The following WDR5 variants were observed in gnomAD, a reference collection of about 807,000 sequenced individuals.
The protein encoded by WDR5 is WD repeat-containing protein 5.
For missense variants in WDR5, 187 were observed against 416.9 expected (o/e 0.45, Z 4.80); for synonymous variants, 144 against 161.6 (o/e 0.89, Z 0.83).
chr9:134,147,925 C>T (rs892885912), intron 7 of WDR5, among the ~76,000 whole-genome samples: 9 of 152,012 alleles, frequency 5.9e-5, no homozygotes, highest in East Asian at 1.9e-4. Context: ...GAAGCCAAGG[C>T]GGGTGGATCA....
chr9:134,145,213 C>T (rs1564191438), intron 7 of WDR5, among the ~76,000 whole-genome samples: 1 of 150,078 alleles, frequency 6.7e-6, no homozygotes, highest in Non-Finnish European at 1.5e-5. Context: ...GTTCTCCTGC[C>T]TCAGCCTCCC....
At chr9:134,137,133 G>A (rs1314814198) in intron 1 of WDR5, among the ~76,000 whole-genome samples, 1 of 152,170 alleles carries the variant, frequency 6.6e-6, no homozygotes, top group African/African-American at 2.4e-5. Flanking sequence ...CTCAGGGACT[G>A]AGGGACTCAG....
chr9:134,148,512 T>G (rs553805038), intron 8 of WDR5, among the ~76,000 whole-genome samples, 169 bp downstream of exon 8: 4 of 152,122 alleles, frequency 2.6e-5, no homozygotes, highest in African/African-American at 9.6e-5. Flanking sequence ...GGCAGTGCAG[T>G]TTCGGGGTTG....
rs193186920 is a variant in WDR5, at chr9:134,157,936, C to T, written c.948C>T (p.Ile316=). ...STACHPTENI[I]ASAALENDKT... ...CTTGTCACCCAACAGAAAACATCAT[C>T]GCCTCTGCTGCGCTAGAAAATGACA... The change falls in exon 14 of 14, where the codon ATC becomes ATT. Residue 316 remains isoleucine (I), a synonymous_variant. Transcript: ENST00000358625. The surrounding 1 kb of genome is among the most constrained non-coding windows in gnomAD (Gnocchi z 5.0). The T allele has an allele frequency of 4.6e-5, 74 of 1,614,174 alleles. 1 individual carries two copies. The highest frequency in any genetic ancestry group is 3.8e-4 in the East Asian group (17 of 44,888).
At chr9:134,141,157 A>G (rs1215619122) in intron 3 of WDR5, among the ~76,000 whole-genome samples, 1 of 152,202 alleles carries the variant, frequency 6.6e-6, no homozygotes, top group Admixed American at 6.5e-5. Flanking sequence ...ATGGTGGCAC[A>G]TGCCTGTAGT....
intron 2 of WDR5, 85 bp downstream of exon 2, chr9:134,140,043 G>A: frequency 6.8e-7 from 1 of 1,478,420 alleles, no homozygotes; most frequent in East Asian, 2.3e-5. Context: ...CATAAGCCTA[G>A]TCTTCCCTAC....
Position 134,157,574 on chromosome 9 carries a change from G to C in WDR5, c.905-319G>C, listed in dbSNP as rs974570389. On this transcript the variant is annotated intron_variant, in intron 13 of 13. Coordinates refer to ENST00000358625, the MANE Select transcript of WDR5 (RefSeq NM_017588.3). This position sits in a 1 kb window ranked among gnomAD's most constrained non-coding sequence, Gnocchi z 5.0. ...GCCTCTGAGCCAGTCCTGCTGCCGC[G>C]CTCCTCCTTGTGGGCGCCGAGCTGC... 6.6e-6 allele frequency among the ~76,000 whole-genome samples: 1 copy of C among 152,118 alleles called. No homozygotes were observed. The highest frequency in any genetic ancestry group is 1.5e-5 in the Non-Finnish European group (1 of 68,004).
chr9:134,137,478 T>C (rs1458701584), intron 1 of WDR5, among the ~76,000 whole-genome samples: 2 of 150,442 alleles, frequency 1.3e-5, no homozygotes, highest in Non-Finnish European at 3.0e-5. Flanking sequence ...AGGTCAGGAG[T>C]TCGAGACTAG....
At chr9:134,146,449 T>A (rs924771070) in intron 7 of WDR5, among the ~76,000 whole-genome samples, 11 of 152,230 alleles carry the variant, frequency 7.2e-5, no homozygotes, top group African/African-American at 2.7e-4. Flanking sequence ...TTGGCCAGGC[T>A]GGTCTCGAAT....
At chr9:134,156,023 G>T (rs1226986058) in intron 12 of WDR5, among the ~76,000 whole-genome samples, 5 of 152,236 alleles carry the variant, frequency 3.3e-5, no homozygotes, top group Non-Finnish European at 5.9e-5. Flanking sequence ...TTCCGAGGGC[G>T]CTGGGACCCA....
At chr9:134,152,639 A>G (rs1477511572) in intron 9 of WDR5, among the ~76,000 whole-genome samples, 1 of 152,130 alleles carries the variant, frequency 6.6e-6, no homozygotes. Flanking sequence ...CCTAGGCTAG[A>G]TGTGTGGGAT....
chr9:134,136,753 C>T (rs539008765), intron 1 of WDR5, among the ~76,000 whole-genome samples: 4 of 152,328 alleles, frequency 2.6e-5, no homozygotes, highest in South Asian at 2.1e-4. Context: ...GCAGACCTGT[C>T]CTGGCCGGTC....
chr9:134,154,440 G>A, intron 9 of WDR5, 26 bp from the exon 10 acceptor site: 1 of 1,613,704 alleles, frequency 6.2e-7, no homozygotes, highest in Middle Eastern at 1.6e-4. Context: ...CGCCCGCCGT[G>A]TGTCACCTGT....
At chr9:134,145,160 G>A (rs1588172496) in intron 7 of WDR5, among the ~76,000 whole-genome samples, 2 of 147,508 alleles carry the variant, frequency 1.4e-5, no homozygotes, top group East Asian at 4.0e-4. Flanking sequence ...GTGCGGTGGT[G>A]CGATCTTGGC....
At chr9:134,143,205 AG>A (rs1293500231) in intron 7 of WDR5, among the ~76,000 whole-genome samples, 4 of 152,222 alleles carry the variant, frequency 2.6e-5, no homozygotes, top group African/African-American at 9.6e-5. Flanking sequence ...GGCCTTGCAC[AG>A]GGACACGTCC....
rs1831834968 is a variant in WDR5 at position 134,140,614 on chromosome 9, G to A, written c.82-89G>A. ...ATTTGGAGCTCTAAAGATCTGAGCT[G>A]AAATTAAATGGTGGGAGTCAAAATC... On this transcript the variant is annotated intron_variant, in intron 2 of 13. Transcript: ENST00000358625. 30 of 1,076,680 alleles carry A rather than the reference G, an allele frequency of 2.8e-5. No homozygotes were observed. The South Asian group carries it at 3.8e-4, about 14-fold the overall frequency. The allele number at this position is 1,076,680 out of a possible 1,614,324, so 66.7% of individuals were successfully genotyped here.
intron 1 of WDR5, among the ~76,000 whole-genome samples, chr9:134,139,360 G>C (rs536732330): frequency 3.3e-5 from 5 of 152,348 alleles, no homozygotes; most frequent in African/African-American, 1.2e-4. Flanking sequence ...CTGTGAACGT[G>C]ATTGCGTCAC....
At chr9:134,148,267 C>A in intron 7 of WDR5, 21 bp from the exon 8 acceptor site, 1 of 1,397,686 alleles carries the variant, frequency 7.2e-7, no homozygotes, top group Non-Finnish European at 9.5e-7. Flanking sequence ...TTTGTCTCTT[C>A]TTCCTCTCCT....
intron 7 of WDR5, among the ~76,000 whole-genome samples, chr9:134,146,051 A>C: frequency 6.8e-6 from 1 of 146,844 alleles, no homozygotes; most frequent in African/African-American, 2.5e-5. Flanking sequence ...TGCAAGCTCC[A>C]CCTCCCGGGT....
Sources: allele counts gnomAD v4.1 joint callset (sites outside exome capture counted in the v4.1 genomes callset), GRCh38; gene constraint gnomAD v4.1.1; non-coding constraint Gnocchi (gnomAD v3.1); transcripts MANE v1.5; gene names NCBI Gene and HGNC (gene_info 2026-07-23, HGNC 2026-07-21).